Variants in BRD10 observed in about 807,000 individuals in gnomAD.
The protein encoded by BRD10 is uncharacterized bromodomain-containing protein 10.
chr9:5,948,228 A>T, the BRD10 span, among the ~76,000 whole-genome samples: 1 of 152,198 alleles, frequency 6.6e-6, no homozygotes, highest in African/African-American at 2.4e-5. Context: ...AAAGGTAATT[A>T]AACTAACAGA....
the BRD10 span, among the ~76,000 whole-genome samples, chr9:6,006,820 C>T: frequency 6.6e-6 from 1 of 152,232 alleles, no homozygotes; most frequent in Non-Finnish European, 1.5e-5. Flanking sequence ...TCATCCTAAA[C>T]GCTGTTTTAA....
the BRD10 span, among the ~76,000 whole-genome samples, chr9:6,008,466 C>T: frequency 2.6e-5 from 4 of 151,858 alleles, no homozygotes; most frequent in Non-Finnish European, 5.9e-5. Context: ...CTGTCGCCAT[C>T]CCCGGTGCGC....
the BRD10 span, among the ~76,000 whole-genome samples, chr9:5,988,186 A>C: frequency 2.6e-5 from 4 of 152,216 alleles, no homozygotes; most frequent in Non-Finnish European, 5.9e-5. Flanking sequence ...TTTAAATTTT[A>C]AAATTACATT....
the BRD10 span, among the ~76,000 whole-genome samples, chr9:5,948,302 A>G: frequency 1.3e-5 from 2 of 152,258 alleles, no homozygotes; most frequent in South Asian, 2.1e-4. Flanking sequence ...TTCTCCTACT[A>G]TATTATATTC....
chr9:5,994,243 TA>T, the BRD10 span, among the ~76,000 whole-genome samples: 6 of 152,140 alleles, frequency 3.9e-5, no homozygotes, highest in Non-Finnish European at 5.9e-5. Flanking sequence ...TTATGTTTTA[TA>T]ATATATAAAA....
the BRD10 span, among the ~76,000 whole-genome samples, chr9:5,907,814 G>A: frequency 5.9e-5 from 9 of 152,248 alleles, no homozygotes; most frequent in South Asian, 2.1e-4. Flanking sequence ...TTAGCCAAGC[G>A]TGGTGGTGCA....
the BRD10 span, among the ~76,000 whole-genome samples, chr9:5,890,343 TA>T: frequency 6.6e-6 from 1 of 152,226 alleles, no homozygotes; most frequent in Non-Finnish European, 1.5e-5. Context: ...ATATTTATCC[TA>T]AAAATATTGT....
At chr9:5,884,364 T>C in the BRD10 span, among the ~76,000 whole-genome samples, 1 of 152,214 alleles carries the variant, frequency 6.6e-6, no homozygotes, top group Non-Finnish European at 1.5e-5. Context: ...TTCCAGGCCC[T>C]GTGGCGCCCA....
chr9:5,998,817 A>G, the BRD10 span, among the ~76,000 whole-genome samples: 6 of 152,212 alleles, frequency 3.9e-5, no homozygotes, highest in African/African-American at 9.6e-5. Flanking sequence ...CCTGGAATTA[A>G]TAAGTAGTAG....
At chr9:5,897,717 C>T in the BRD10 span, 2 of 1,359,218 alleles carry the variant, frequency 1.5e-6, no homozygotes, top group South Asian at 2.3e-5. Context: ...GTTCTTTCCT[C>T]TGAATCTCTG....
the BRD10 span, among the ~76,000 whole-genome samples, chr9:5,999,114 T>A: frequency 6.6e-6 from 1 of 152,070 alleles, no homozygotes; most frequent in African/African-American, 2.4e-5. Context: ...ATAATTCTTT[T>A]TTTGGTTATT....
the BRD10 span, among the ~76,000 whole-genome samples, chr9:5,956,066 T>C: frequency 6.6e-6 from 1 of 152,140 alleles, no homozygotes; most frequent in Admixed American, 6.5e-5. Context: ...AAAACAGTAA[T>C]TTGGAGGAAA....
the BRD10 span, among the ~76,000 whole-genome samples, chr9:5,957,055 TA>T: frequency 6.6e-6 from 1 of 152,142 alleles, no homozygotes; most frequent in African/African-American, 2.4e-5. Flanking sequence ...ACAACGATTT[TA>T]AATAATTTAA....
the BRD10 span, chr9:5,881,669 G>A: frequency 6.6e-6 from 1 of 152,224 alleles, no homozygotes; most frequent in African/African-American, 2.4e-5. Flanking sequence ...AGTCTTCAGA[G>A]CGATACCTGT....
At chr9:5,972,298 GAGA>G in the BRD10 span, among the ~76,000 whole-genome samples, 1 of 152,126 alleles carries the variant, frequency 6.6e-6, no homozygotes, top group East Asian at 1.9e-4. Flanking sequence ...CATGAGCAAA[GAGA>G]AGGAGATTAT....
chr9:5,986,949 G>C, the BRD10 span, among the ~76,000 whole-genome samples: 1 of 151,960 alleles, frequency 6.6e-6, no homozygotes, highest in South Asian at 2.1e-4. Flanking sequence ...TATTTTCTTT[G>C]CTAGTTTTAC....
the BRD10 span, among the ~76,000 whole-genome samples, chr9:6,005,195 T>G: frequency 6.6e-6 from 1 of 152,264 alleles, no homozygotes; most frequent in African/African-American, 2.4e-5. Context: ...TTTCTTAGTC[T>G]GCTCTTTTTT....
chr9:5,894,612 G>C, the BRD10 span, among the ~76,000 whole-genome samples: 2,951 of 152,288 alleles, frequency 0.019, 43 homozygotes, highest in South Asian at 0.039. The surrounding 1 kb of genome is among the most constrained non-coding windows in gnomAD (Gnocchi z 4.0). Flanking sequence ...CCAGTGCTCT[G>C]CTGGGGAGGG....
At chr9:5,927,979 A>C in the BRD10 span, among the ~76,000 whole-genome samples, 1 of 152,202 alleles carries the variant, frequency 6.6e-6, no homozygotes, top group Non-Finnish European at 1.5e-5. Flanking sequence ...TTATTCAATA[A>C]CACCAATTAT....
Sources: gnomAD v4.1 joint callset for allele counts (sites outside exome capture counted in the v4.1 genomes callset) on GRCh38, gnomAD v4.1.1 for gene constraint, Gnocchi (gnomAD v3.1) non-coding constraint, MANE v1.5 for transcripts, NCBI Gene and HGNC (gene_info 2026-07-23, HGNC 2026-07-21) for gene names.